The following LEO1 variants were observed in gnomAD, a reference collection of about 807,000 sequenced individuals.
LEO1 encodes RNA polymerase-associated protein LEO1.
LEO1 carries 34 observed loss-of-function variants against 80.4 expected under a neutral mutation model. The observed-to-expected ratio is 0.42, with a 90% CI of 0.32 to 0.56. The LOEUF (loss-of-function observed/expected upper bound fraction) is 0.56. LEO1 is among the 20% of genes least tolerant of loss of function. The pLI is 0.10. For missense variants in LEO1, 631 were observed against 814.2 expected, an observed-to-expected ratio of 0.77 and a Z score of 2.74; for synonymous variants, 262 against 274.9, an observed-to-expected ratio of 0.95 and a Z score of 0.46.
intron 2 of LEO1, among the ~76,000 whole-genome samples, chr15:51,964,012 C>A (rs1452960772): frequency 6.6e-6 from 1 of 151,862 alleles, no homozygotes; most frequent in Non-Finnish European, 1.5e-5. Flanking sequence ...CGAGACCATC[C>A]TGGCTAACAC....
intron 1 of LEO1, among the ~76,000 whole-genome samples, chr15:51,970,582 G>T (rs1421142065): frequency 6.6e-6 from 1 of 152,172 alleles, no homozygotes; most frequent in Non-Finnish European, 1.5e-5. Context: ...CTAAGTAAAA[G>T]AAACCAGACA....
At chr15:51,945,562 C>A (rs183963722) in intron 11 of LEO1, among the ~76,000 whole-genome samples, 1 of 152,306 alleles carries the variant, frequency 6.6e-6, no homozygotes, top group African/African-American at 2.4e-5. Context: ...ACTCCCAAGA[C>A]CCCCCAGAGC....
At chr15:51,951,301 T>G (rs1207155968) in intron 9 of LEO1, among the ~76,000 whole-genome samples, 3 of 152,260 alleles carry the variant, frequency 2.0e-5, no homozygotes, top group Non-Finnish European at 4.4e-5. Context: ...ATAGCCAATA[T>G]GAGCACATGC....
rs951787171 is a variant in LEO1 at position 51,961,455 on chromosome 15, C to T, written c.920-722G>A. ...TTGCTCAGGCTGGACTGCAGTGGTG[C>T]GACCTTGGCTTACTGCAACCTCTGC... On this transcript the variant is annotated intron_variant, in intron 3 of 11. Coordinates refer to ENST00000299601, the MANE Select transcript of LEO1 (RefSeq NM_138792.4). Among the ~76,000 whole-genome samples, 7 of 151,898 alleles carry T rather than the reference C, an allele frequency of 4.6e-5. No homozygotes were observed. In the East Asian group the frequency reaches 1.2e-3, roughly 25 times the overall value.
intron 3 of LEO1, among the ~76,000 whole-genome samples, chr15:51,962,097 C>G (rs981021726): frequency 6.6e-6 from 1 of 150,998 alleles, no homozygotes; most frequent in African/African-American, 2.4e-5. Flanking sequence ...CAGGAGGCAG[C>G]AGTTGCAATA....
At chr15:51,944,305 A>G (rs1315469359) in intron 11 of LEO1, among the ~76,000 whole-genome samples, 3 of 152,222 alleles carry the variant, frequency 2.0e-5, no homozygotes, top group African/African-American at 7.2e-5. Flanking sequence ...TGGCATATTC[A>G]AAGTGCCAAA....
intron 11 of LEO1, among the ~76,000 whole-genome samples, chr15:51,938,643 T>C (rs1019666831): frequency 6.6e-6 from 1 of 152,226 alleles, no homozygotes; most frequent in African/African-American, 2.4e-5. Context: ...TTTTAAAGAC[T>C]GTTGATTTGG....
chr15:51,939,928 G>C (rs2056834089), intron 11 of LEO1, among the ~76,000 whole-genome samples: 1 of 152,186 alleles, frequency 6.6e-6, no homozygotes, highest in Non-Finnish European at 1.5e-5. Flanking sequence ...CCATCCTCTG[G>C]AGTAAGAAGC....
At chr15:51,953,840 G>A (rs935871585) in intron 7 of LEO1, among the ~76,000 whole-genome samples, 2 of 151,942 alleles carry the variant, frequency 1.3e-5, no homozygotes, top group Non-Finnish European at 2.9e-5. Context: ...GTTGACGCCT[G>A]TAATCCCAGC....
chr15:51,958,885 T>G (rs1566885373), intron 5 of LEO1, 59 bp from the exon 6 acceptor site: 1 of 818,384 alleles, frequency 1.2e-6, no homozygotes, highest in South Asian at 1.7e-5. Context: ...ATTACTGCTA[T>G]GTAATAACAT....
At chr15:51,949,258 T>C (rs1323305844) in intron 10 of LEO1, among the ~76,000 whole-genome samples, 1 of 152,116 alleles carries the variant, frequency 6.6e-6, no homozygotes, top group African/African-American at 2.4e-5. Flanking sequence ...ATAAAAAAGG[T>C]TGACAAAAGT....
chr15:51,947,894 T>C (rs2056915661), intron 10 of LEO1, among the ~76,000 whole-genome samples: 1 of 152,144 alleles, frequency 6.6e-6, no homozygotes, highest in South Asian at 2.1e-4. Flanking sequence ...AGACTTACCC[T>C]CTCAAAATAC....
intron 11 of LEO1, 145 bp from the exon 12 acceptor site, chr15:51,938,405 A>G (rs1892822270): frequency 1.7e-6 from 1 of 601,260 alleles, no homozygotes; most frequent in African/African-American, 1.9e-5. Context: ...GTGAGGTGTC[A>G]GCAACTGTGA....
intron 10 of LEO1, among the ~76,000 whole-genome samples, chr15:51,948,684 G>T (rs1224691249): frequency 6.6e-6 from 1 of 152,134 alleles, no homozygotes; most frequent in African/African-American, 2.4e-5. Context: ...TTATTAATAG[G>T]TTGTTTTTGT....
chr15:51,946,101 AATAAG>A (rs1191263058), intron 11 of LEO1, among the ~76,000 whole-genome samples: 4 of 152,326 alleles, frequency 2.6e-5, no homozygotes, highest in Non-Finnish European at 1.5e-5. Flanking sequence ...GCTGTTTAAA[AATAAG>A]ATAAAATATT....
intron 6 of LEO1, among the ~76,000 whole-genome samples, chr15:51,955,863 A>G (rs1444261586): frequency 6.6e-6 from 1 of 152,212 alleles, no homozygotes; most frequent in East Asian, 1.9e-4. Context: ...TGCTGATTGA[A>G]TAACTCCATC....
intron 1 of LEO1, among the ~76,000 whole-genome samples, chr15:51,968,618 C>T (rs955648721): frequency 3.0e-4 from 46 of 152,132 alleles, no homozygotes; most frequent in African/African-American, 9.9e-4. Context: ...ATCACGAGGT[C>T]AGGAGTTTGA....
intron 11 of LEO1, chr15:51,946,912 G>C (rs1169196541): frequency 5.5e-6 from 1 of 180,732 alleles, no homozygotes; most frequent in Admixed American, 6.4e-5. Flanking sequence ...TACACCCTCT[G>C]GTCTACCACA....
chr15:51,947,627 T>C (rs1457022516), intron 10 of LEO1, among the ~76,000 whole-genome samples: 2 of 152,060 alleles, frequency 1.3e-5, no homozygotes, highest in East Asian at 3.9e-4. Context: ...TCTTGCCATG[T>C]TGCCCAGGCT....
Sources: allele counts gnomAD v4.1 joint callset (sites outside exome capture counted in the v4.1 genomes callset), GRCh38; gene constraint gnomAD v4.1.1; transcripts MANE v1.5; gene names NCBI Gene and HGNC (gene_info 2026-07-23, HGNC 2026-07-21).